The following HIRA variants were observed in gnomAD, a reference collection of about 807,000 sequenced individuals.
HIRA encodes the protein protein HIRA.
HIRA carries 13 observed loss-of-function variants against 126.6 expected under a neutral mutation model. The observed-to-expected ratio is 0.10, with a 90% CI of 0.07 to 0.16. HIRA has a LOEUF of 0.16. Among genes scored for constraint, HIRA ranks in the 10% least tolerant of loss-of-function variants. HIRA has a pLI of 1.00. For missense variants in HIRA, 834 were observed against 1,314.4 expected, an observed-to-expected ratio of 0.63 and a Z score of 5.65; for synonymous variants, 511 against 520.0, an observed-to-expected ratio of 0.98 and a Z score of 0.24.
Position 19,351,379 on chromosome 22 carries a change from G to A in HIRA, c.2916C>T (p.Ser972=). Residue 972 remains serine (S), a synonymous_variant, in exon 24 of 25, where the codon AGC becomes AGT. Coordinates refer to ENST00000263208, the MANE Select transcript of HIRA (RefSeq NM_003325.4). This position sits in a 1 kb window ranked among gnomAD's most constrained non-coding sequence, Gnocchi z 4.8. Reference sequence around the variant, plus strand: ...CTACCACTACTGTTGACTCCCACTGGCTTCCAGTGGAGTAGTGAACCGGAC... The same window carrying A: ...CTACCACTACTGTTGACTCCCACTGACTTCCAGTGGAGTAGTGAACCGGAC... The part of the protein sequence containing the change: ...LLGPVHYSTG[S]QWESTVVGLR... 1 of 1,612,732 alleles carries A rather than the reference G, an allele frequency of 6.2e-7. No individual in the cohort carries two copies. The highest frequency in any genetic ancestry group is 8.5e-7 in the Non-Finnish European group (1 of 1,179,300).
At chr22:19,418,887 A>T (rs1006870373) in intron 1 of HIRA, among the ~76,000 whole-genome samples, 3 of 152,098 alleles carry the variant, frequency 2.0e-5, no homozygotes, top group African/African-American at 7.2e-5. Context: ...TATTTCATAC[A>T]ATTCGGTGTG....
intron 24 of HIRA, among the ~76,000 whole-genome samples, chr22:19,350,557 ATC>A (rs1556010520): frequency 6.6e-6 from 1 of 152,134 alleles, no homozygotes; most frequent in East Asian, 1.9e-4. Flanking sequence ...TACATCTTGA[ATC>A]TGTCTCCTTT....
At position 19,407,306 on chromosome 22, in the gene HIRA, T is replaced by C. The variant is rs377386230; in HGVS notation, c.212-32A>G. ...AGAAAAAAAAATAAGGTGATGAAAA[T>C]CCAGTAGTCATGCCCATTTGCTTTA... On this transcript the variant is annotated intron_variant, in intron 3 of 24. Coordinates refer to ENST00000263208, the MANE Select transcript of HIRA (RefSeq NM_003325.4). 233 of 1,548,676 alleles carry C rather than the reference T, an allele frequency of 1.5e-4. 1 individual carries two copies. Among genetic ancestry groups the C allele is most frequent in the Non-Finnish European group, 2.0e-4 (225 of 1,121,628 alleles).
intron 1 of HIRA, among the ~76,000 whole-genome samples, chr22:19,419,487 T>C (rs1464033340): frequency 2.0e-5 from 3 of 152,192 alleles, no homozygotes; most frequent in Non-Finnish European, 4.4e-5. Flanking sequence ...ACAACTTTAA[T>C]TTAAAGGATT....
At chr22:19,382,776 T>C (rs1327793557) in intron 13 of HIRA, among the ~76,000 whole-genome samples, 7 of 148,876 alleles carry the variant, frequency 4.7e-5, no homozygotes, top group African/African-American at 5.1e-5. Context: ...TCTTTCTTTT[T>C]TTTTTTTTTT....
chr22:19,383,923 T>G (rs1319681533), intron 12 of HIRA, among the ~76,000 whole-genome samples: 1 of 152,114 alleles, frequency 6.6e-6, no homozygotes, highest in Non-Finnish European at 1.5e-5. Flanking sequence ...AACTTAAACT[T>G]TATACCCTTT....
chr22:19,367,425 G>A (rs941156113), intron 15 of HIRA, among the ~76,000 whole-genome samples: 1 of 150,032 alleles, frequency 6.7e-6, no homozygotes. Context: ...GGAATGCAGT[G>A]GTGTGATCTT....
At chr22:19,410,948 C>A (rs530335226) in intron 1 of HIRA, among the ~76,000 whole-genome samples, 170 bp from the exon 2 acceptor site, 1 of 152,338 alleles carries the variant, frequency 6.6e-6, no homozygotes, top group Admixed American at 6.5e-5. Context: ...AATGGCTGAG[C>A]CCATAGGATG....
chr22:19,412,172 G>C (rs898619664), intron 1 of HIRA, among the ~76,000 whole-genome samples: 5 of 152,166 alleles, frequency 3.3e-5, no homozygotes, highest in Non-Finnish European at 5.9e-5. Flanking sequence ...GAGAAACCTA[G>C]TTGTCATGTG....
At chr22:19,411,410 G>C (rs566807468) in intron 1 of HIRA, among the ~76,000 whole-genome samples, 1 of 152,344 alleles carries the variant, frequency 6.6e-6, no homozygotes, top group South Asian at 2.1e-4. Context: ...GCTTGCACTA[G>C]GATCCCATGA....
At chr22:19,362,932 A>G (rs2146199172) in intron 15 of HIRA, among the ~76,000 whole-genome samples, 1 of 151,928 alleles carries the variant, frequency 6.6e-6, no homozygotes, top group African/African-American at 2.4e-5. Context: ...AAAGAAGTGA[A>G]GATTAAAAAA....
Position 19,351,479 on chromosome 22 carries a change from C to CA in HIRA, c.2849-34dup, listed in dbSNP as rs2088756928. The CA allele has an allele frequency of 1.4e-6, 2 of 1,451,770 alleles. No individual in the cohort carries two copies. The highest frequency in any genetic ancestry group is 1.9e-6 in the Non-Finnish European group (2 of 1,040,576). 89.9% of individuals were successfully genotyped at this position (1,451,770 alleles called of 1,614,324 possible). ...CAGAAAAACAAACAAACAACAACAA[C>CA]AAAAAACAAAACAGAAATAGGAACA... On this transcript the variant is annotated intron_variant, in intron 23 of 24. Coordinates refer to ENST00000263208, the MANE Select transcript of HIRA (RefSeq NM_003325.4). This position sits in a 1 kb window ranked among gnomAD's most constrained non-coding sequence, Gnocchi z 4.8.
chr22:19,361,351 C>A lies in HIRA; in HGVS notation c.1981-10G>T. ...TTAGGGCAGCTGGAGACTGGAAGAG[C>A]CAGAAACGTTCCTGAGCCTTGCTCT... On this transcript the variant is annotated splice_polypyrimidine_tract_variant and intron_variant, in intron 16 of 24. Transcript: ENST00000263208. The A allele has an allele frequency of 6.2e-7, 1 of 1,611,540 alleles. No homozygotes were observed. Among genetic ancestry groups the A allele is most frequent in the Non-Finnish European group, 8.5e-7 (1 of 1,177,636 alleles).
At chr22:19,421,929 C>T (rs191316335) in intron 1 of HIRA, among the ~76,000 whole-genome samples, 2 of 152,234 alleles carry the variant, frequency 1.3e-5, no homozygotes, top group East Asian at 3.9e-4. Context: ...GCCTTGGCCT[C>T]CCAAAGTGCT....
chr22:19,401,165 G>A (rs1454049971), intron 5 of HIRA, among the ~76,000 whole-genome samples: 1 of 152,002 alleles, frequency 6.6e-6, no homozygotes, highest in East Asian at 1.9e-4. Context: ...CATGAATATT[G>A]CACTTGCCTA....
At chr22:19,361,121 G>A (rs1417864621) in intron 17 of HIRA, 116 bp downstream of exon 17, 1 of 790,246 alleles carries the variant, frequency 1.3e-6, no homozygotes, top group East Asian at 2.6e-5. Context: ...AGAAGGTGAT[G>A]GAGAGCCACT....
intron 1 of HIRA, among the ~76,000 whole-genome samples, chr22:19,417,700 G>A (rs936277569): frequency 6.6e-6 from 1 of 152,144 alleles, no homozygotes; most frequent in Non-Finnish European, 1.5e-5. Flanking sequence ...TACAGAAATT[G>A]TAACTCTTGT....
At chr22:19,416,309 T>C (rs1296528266) in intron 1 of HIRA, among the ~76,000 whole-genome samples, 1 of 152,144 alleles carries the variant, frequency 6.6e-6, no homozygotes, top group African/African-American at 2.4e-5. Flanking sequence ...GTAATTTCTT[T>C]TTCTTTTTTC....
intron 1 of HIRA, among the ~76,000 whole-genome samples, chr22:19,431,202 A>G (rs565654837): frequency 6.6e-6 from 1 of 152,232 alleles, no homozygotes; most frequent in East Asian, 1.9e-4. Context: ...GCAGCGGAAG[A>G]CTCAGAGCAA....
Sources: allele counts gnomAD v4.1 joint callset (sites outside exome capture counted in the v4.1 genomes callset), GRCh38; gene constraint gnomAD v4.1.1; non-coding constraint Gnocchi (gnomAD v3.1); transcripts MANE v1.5; gene names NCBI Gene and HGNC (gene_info 2026-07-23, HGNC 2026-07-21).